FRRS1: variants seen among roughly 807,000 people sequenced by gnomAD.
The protein encoded by FRRS1 is ferric chelate reductase 1, also known as ferric reductase 1.
FRRS1 carries 51 observed loss-of-function variants against 70.7 expected under a neutral mutation model. The ratio of observed to expected loss-of-function variants is 0.72; its 90% confidence interval spans 0.58 to 0.91. FRRS1 has a LOEUF of 0.91. Ranked by LOEUF, FRRS1 falls within the 40% of genes least tolerant of loss-of-function variation. The pLI, the probability that FRRS1 is intolerant of heterozygous loss-of-function variation, is 0.00. For missense variants in FRRS1, 672 were observed against 726.0 expected (o/e 0.93, Z 0.86); for synonymous variants, 225 against 238.7 (o/e 0.94, Z 0.53).
chr1:99,728,342 A>G, intron 9 of FRRS1, 151 bp downstream of exon 9: 1 of 651,366 alleles, frequency 1.5e-6, no homozygotes, highest in Non-Finnish European at 2.6e-6. Context: ...AAATTTTTCT[A>G]CCTTTATCCA....
At chr1:99,717,268 G>C (rs182425293) in intron 11 of FRRS1, 142 bp downstream of exon 11, 2 of 658,358 alleles carry the variant, frequency 3.0e-6, no homozygotes. Flanking sequence ...CAATTGATCA[G>C]GAAATCAAAG....
At chr1:99,724,070 G>A (rs1654962792) in intron 9 of FRRS1, among the ~76,000 whole-genome samples, 1 of 152,182 alleles carries the variant, frequency 6.6e-6, no homozygotes. Context: ...AGCCCAACAA[G>A]CCTGAGAGAC....
At chr1:99,735,226 C>T (rs1655592939) in intron 7 of FRRS1, among the ~76,000 whole-genome samples, 1 of 152,132 alleles carries the variant, frequency 6.6e-6, no homozygotes, top group African/African-American at 2.4e-5. Context: ...GTCAGAGGCT[C>T]CAAGAACCTA....
At chr1:99,744,514 C>T (rs1452285500) in intron 4 of FRRS1, among the ~76,000 whole-genome samples, 1 of 152,120 alleles carries the variant, frequency 6.6e-6, no homozygotes, top group Non-Finnish European at 1.5e-5. Flanking sequence ...AGGCCGGGCG[C>T]AGTGGCTCAT....
chr1:99,746,975 T>G (rs1656304282), intron 4 of FRRS1, among the ~76,000 whole-genome samples: 1 of 152,168 alleles, frequency 6.6e-6, no homozygotes, highest in Non-Finnish European at 1.5e-5. Flanking sequence ...CCATTCAACA[T>G]GAAGGCAATG....
intron 5 of FRRS1, 40 bp from the exon 6 acceptor site, chr1:99,740,980 T>C: frequency 6.3e-7 from 1 of 1,580,400 alleles, no homozygotes. Context: ...CCTAATTGTG[T>C]CCTGTCACAA....
At chr1:99,745,923 T>C (rs1656235867) in intron 4 of FRRS1, among the ~76,000 whole-genome samples, 1 of 152,158 alleles carries the variant, frequency 6.6e-6, no homozygotes, top group African/African-American at 2.4e-5. Flanking sequence ...GCTTTCACCA[T>C]GTGAAGTGTC....
At chr1:99,712,354 G>T in intron 13 of FRRS1, 64 bp downstream of exon 13, 3 of 1,204,696 alleles carry the variant, frequency 2.5e-6, no homozygotes, top group Non-Finnish European at 2.4e-6. Flanking sequence ...TTTGAAAACA[G>T]ATTAGTTTGC....
intron 1 of FRRS1, among the ~76,000 whole-genome samples, chr1:99,761,877 ATAG>A (rs1657125600): frequency 6.6e-6 from 1 of 152,234 alleles, no homozygotes; most frequent in Non-Finnish European, 1.5e-5. Context: ...GGAAGAAATA[ATAG>A]TAGAAGAGTT....
At chr1:99,721,992 GTTTA>G (rs879681236) in intron 9 of FRRS1, among the ~76,000 whole-genome samples, 1 of 151,554 alleles carries the variant, frequency 6.6e-6, no homozygotes, top group Non-Finnish European at 1.5e-5. Flanking sequence ...TCCTTAATTT[GTTTA>G]TTTATTTTAT....
In FRRS1 at chr1:99,727,260, G is replaced by T. The variant is rs567078344; in HGVS notation, c.1006+1233C>A. ...AGTAATTTTTACTCATAATTATCAAGCCATATTAAGAAATTATTACTCATA... is the reference window on the plus strand; with the variant it reads ...AGTAATTTTTACTCATAATTATCAATCCATATTAAGAAATTATTACTCATA... On this transcript the variant is annotated intron_variant, in intron 9 of 16. Transcript: ENST00000646001. Among the ~76,000 whole-genome samples, 18 of 152,170 alleles carry T rather than the reference G, an allele frequency of 1.2e-4. No individual in the cohort carries two copies. In the South Asian group the frequency reaches 3.5e-3, roughly 30 times the overall value.
At chr1:99,742,860 C>G (rs1444519658) in intron 4 of FRRS1, among the ~76,000 whole-genome samples, 1 of 152,154 alleles carries the variant, frequency 6.6e-6, no homozygotes, top group Non-Finnish European at 1.5e-5. Context: ...AGTTATCACA[C>G]GGTTCTACTT....
intron 1 of FRRS1, among the ~76,000 whole-genome samples, chr1:99,763,088 T>C (rs1433138666): frequency 1.3e-5 from 2 of 152,186 alleles, no homozygotes; most frequent in Non-Finnish European, 2.9e-5. Context: ...CCAAGAATTA[T>C]TAGATTAAGA....
chr1:99,721,427 G>A (rs1234281360), intron 9 of FRRS1, among the ~76,000 whole-genome samples: 2 of 149,534 alleles, frequency 1.3e-5, no homozygotes, highest in Admixed American at 1.3e-4. Flanking sequence ...GGGTGACATA[G>A]CTGCTAATAT....
intron 9 of FRRS1, among the ~76,000 whole-genome samples, chr1:99,724,743 G>C (rs1654996700): frequency 6.6e-6 from 1 of 151,514 alleles, no homozygotes; most frequent in African/African-American, 2.4e-5. Context: ...CAATCTCCAG[G>C]TTTGTTTATT....
At chr1:99,761,593 A>G (rs1271807543) in intron 1 of FRRS1, among the ~76,000 whole-genome samples, 2 of 152,238 alleles carry the variant, frequency 1.3e-5, no homozygotes, top group East Asian at 3.8e-4. Flanking sequence ...CTAAAGACCC[A>G]AAACTAATAG....
At chr1:99,722,385 G>A (rs1308787709) in intron 9 of FRRS1, among the ~76,000 whole-genome samples, 6 of 151,952 alleles carry the variant, frequency 3.9e-5, no homozygotes, top group African/African-American at 1.2e-4. Flanking sequence ...TCAAAACTAC[G>A]CATGTGTACA....
chr1:99,705,150 T>C lies in FRRS1; in HGVS notation c.*3878A>G, dbSNP rs1262252126. ...TTCACCCCTAGACATTGCTGTGGGGTCGGAGCCCCACAGCCTGCCCATCTG... is the reference window on the plus strand; with the variant it reads ...TTCACCCCTAGACATTGCTGTGGGGCCGGAGCCCCACAGCCTGCCCATCTG... On this transcript the variant is annotated 3_prime_UTR_variant, in exon 17 of 17. Transcript: ENST00000646001. Among the ~76,000 whole-genome samples, 1 of 151,990 alleles carries C rather than the reference T, an allele frequency of 6.6e-6. No homozygotes were observed. The highest frequency in any genetic ancestry group is 1.5e-5 in the Non-Finnish European group (1 of 67,996).
intron 4 of FRRS1, 132 bp downstream of exon 4, chr1:99,747,162 T>G (rs1238337555): frequency 1.6e-6 from 1 of 608,476 alleles, no homozygotes; most frequent in Non-Finnish European, 2.9e-6. Flanking sequence ...GTAAGGCTTC[T>G]GGTCACCAAT....
Sources: allele counts gnomAD v4.1 joint callset (sites outside exome capture counted in the v4.1 genomes callset), GRCh38; gene constraint gnomAD v4.1.1; transcripts MANE v1.5; gene names NCBI Gene and HGNC (gene_info 2026-07-23, HGNC 2026-07-21).